GSDMC: variants seen among roughly 807,000 people sequenced by gnomAD.
The protein encoded by GSDMC is gasdermin C, also known as gasdermin-C.
In GSDMC, 59 loss-of-function variants were observed where a neutral mutation model predicts 58.0. The ratio of observed to expected loss-of-function variants is 1.02; its 90% confidence interval spans 0.82 to 1.26. The LOEUF is 1.26. Among genes scored for constraint, GSDMC ranks in the 50% most tolerant of loss-of-function variants. GSDMC has a pLI of 0.00. For synonymous variants in GSDMC, 241 were observed against 220.2 expected (o/e 1.09, Z -0.83); for missense variants, 659 against 598.5 (o/e 1.10, Z -1.06).
chr8:129,723,098 C>A, the GSDMC span: 1 of 152,214 alleles, frequency 6.6e-6, no homozygotes, highest in African/African-American at 2.4e-5. Flanking sequence ...TGTTAGCCAA[C>A]CATGAGTAAA....
downstream of GSDMC, among the ~76,000 whole-genome samples, chr8:129,745,934 G>C (rs1452933308): frequency 6.7e-6 from 1 of 148,666 alleles, no homozygotes. Flanking sequence ...GGAAAACACA[G>C]GTTTCAATCC....
In GSDMC at chr8:129,748,242, A is replaced by ATTTTTTAAC. The variant is rs561472812; in HGVS notation, c.*258_*259insGTTAAAAAA. 48 of 296,622 alleles carry ATTTTTTAAC rather than the reference A, an allele frequency of 1.6e-4. 1 individual carries two copies. The East Asian group carries it at 2.7e-3, about 16-fold the overall frequency. The allele number at this position is 296,622 out of a possible 1,614,324, so 18.4% of individuals were successfully genotyped here. A position where few individuals can be genotyped will look rare whatever the true frequency, so the allele number is the denominator to read the frequency against. On this transcript the variant is annotated 3_prime_UTR_variant, in exon 14 of 14. Transcript: ENST00000276708. ...TTATTTTGAAGTAAAATTTATACAT[A>ATTTTTTAAC]GTGAAACGCTTACGTCTTTAACATA...
At chr8:129,774,072 T>C (rs531148265) in intron 3 of GSDMC, among the ~76,000 whole-genome samples, 1 of 152,228 alleles carries the variant, frequency 6.6e-6, no homozygotes, top group African/African-American at 2.4e-5. Flanking sequence ...CTTAAAACTC[T>C]TATGGAAAGA....
At chr8:129,718,596 A>C in the GSDMC span, among the ~76,000 whole-genome samples, 1 of 152,232 alleles carries the variant, frequency 6.6e-6, no homozygotes, top group South Asian at 2.1e-4. Flanking sequence ...AGTATAAATT[A>C]GTTCAACCAT....
intron 13 of GSDMC, 45 bp from the exon 14 acceptor site, chr8:129,748,785 AG>A (rs2033045993): frequency 1.4e-6 from 2 of 1,444,718 alleles, no homozygotes; most frequent in African/African-American, 2.9e-5. Flanking sequence ...CTTTAAGATG[AG>A]GAAGAGAAGG....
chr8:129,743,847 C>T (rs2032913215), downstream of GSDMC, among the ~76,000 whole-genome samples: 1 of 152,172 alleles, frequency 6.6e-6, no homozygotes, highest in African/African-American at 2.4e-5. Context: ...TAATGAATGT[C>T]CTGAGTGTTC....
chr8:129,713,392 C>T, the GSDMC span, among the ~76,000 whole-genome samples: 2 of 108,976 alleles, frequency 1.8e-5, no homozygotes, highest in African/African-American at 1.1e-4. Flanking sequence ...ATCAATGGAG[C>T]CTTGTGGCCT....
the GSDMC span, among the ~76,000 whole-genome samples, chr8:129,719,427 T>C: frequency 6.6e-6 from 1 of 152,218 alleles, no homozygotes; most frequent in Non-Finnish European, 1.5e-5. Context: ...AATTATGGTG[T>C]AAGATTTCAA....
At chr8:129,731,301 T>A in the GSDMC span, among the ~76,000 whole-genome samples, 49,394 of 151,992 alleles carry the variant, frequency 0.32, 11,617 homozygotes, top group African/African-American at 0.65. Flanking sequence ...AGTGATAGGG[T>A]AGTTCCCTGC....
rs1563813538 is a variant in GSDMC, at chr8:129,777,475, A to G, written c.113T>C (p.Ile38Thr). Residue 38 changes from isoleucine (I) to threonine (T), a missense_variant, in exon 2 of 14, where the codon ATA becomes ACA. By Grantham distance (89) the Ile-to-Thr change is moderately conservative. Transcript: ENST00000276708. ...LSATKLRQFV[I>T]LRKKKDSRSS... Reference sequence around the variant, plus strand: ...ACGAGAATCCTTCTTCTTTCGTAATATAACAAACTGACGTAATTTGGTGGC... The same window carrying G: ...ACGAGAATCCTTCTTCTTTCGTAATGTAACAAACTGACGTAATTTGGTGGC... The G allele has an allele frequency of 1.9e-6, 3 of 1,612,646 alleles. No homozygotes were observed. The highest frequency in any genetic ancestry group is 8.5e-7 in the Non-Finnish European group (1 of 1,178,724).
In GSDMC at chr8:129,751,766, G is replaced by A. The variant is rs138317285; in HGVS notation, c.916+96C>T. On this transcript the variant is annotated intron_variant, in intron 9 of 13. Transcript: ENST00000276708. The stretch of plus-strand genomic sequence containing the variant: ...ATGACCAAACGCCAGGCCCTAGGGC[G>A]GTGGTGGCAAAGGCGAGGCAGGGGC... 11,400 of 1,301,118 alleles carry A rather than the reference G, an allele frequency of 8.8e-3. 70 individuals carry two copies. Among genetic ancestry groups the A allele is most frequent in the Non-Finnish European group, 0.011 (9,473 of 899,780 alleles). The allele number at this position is 1,301,118 out of a possible 1,614,324, so 80.6% of individuals were successfully genotyped here.
At chr8:129,708,175 G>A in the GSDMC span, among the ~76,000 whole-genome samples, 1 of 152,176 alleles carries the variant, frequency 6.6e-6, no homozygotes, top group Non-Finnish European at 1.5e-5. Context: ...GTGGCAGCAG[G>A]GCATTAAGCC....
At chr8:129,732,745 T>C in the GSDMC span, among the ~76,000 whole-genome samples, 1 of 152,240 alleles carries the variant, frequency 6.6e-6, no homozygotes, top group Non-Finnish European at 1.5e-5. Flanking sequence ...GTGTGATTGA[T>C]GCAGAAGACG....
At chr8:129,757,446 A>G (rs2033485354) in intron 6 of GSDMC, among the ~76,000 whole-genome samples, 11 of 152,134 alleles carry the variant, frequency 7.2e-5, no homozygotes, top group Admixed American at 7.2e-4. Context: ...GACCTGATGG[A>G]TTCACTGCTG....
chr8:129,706,075 C>T, the GSDMC span, among the ~76,000 whole-genome samples: 1 of 151,972 alleles, frequency 6.6e-6, no homozygotes, highest in Non-Finnish European at 1.5e-5. Flanking sequence ...AAGGGAATTC[C>T]CTTGCCCTTG....
the GSDMC span, among the ~76,000 whole-genome samples, chr8:129,721,495 C>T: frequency 9.0e-4 from 137 of 152,304 alleles, no homozygotes; most frequent in Admixed American, 3.5e-3. Flanking sequence ...AATTATTTTA[C>T]AACTTTTAGT....
chr8:129,757,167 TAA>T (rs71570500), intron 6 of GSDMC, among the ~76,000 whole-genome samples: 1 of 124,902 alleles, frequency 8.0e-6, no homozygotes. Context: ...GCCAGAACAA[TAA>T]AAAAAAAAAT....
intron 3 of GSDMC, among the ~76,000 whole-genome samples, chr8:129,768,887 C>T (rs2033956106): frequency 6.6e-6 from 1 of 152,118 alleles, no homozygotes; most frequent in Non-Finnish European, 1.5e-5. Flanking sequence ...CAAAACCAGT[C>T]TGAGAATAAT....
At chr8:129,765,918 T>A in intron 3 of GSDMC, 125 bp from the exon 4 acceptor site, 1 of 658,586 alleles carries the variant, frequency 1.5e-6, no homozygotes, top group South Asian at 1.9e-5. Flanking sequence ...GACAGGTAAG[T>A]CACCAATGGG....
Sources: allele counts gnomAD v4.1 joint callset (sites outside exome capture counted in the v4.1 genomes callset), GRCh38; gene constraint gnomAD v4.1.1; transcripts MANE v1.5; gene names NCBI Gene and HGNC (gene_info 2026-07-23, HGNC 2026-07-21).